Variants in PUM3 observed in about 807,000 individuals in gnomAD.
PUM3 encodes pumilio homolog 3.
PUM3 carries 91 observed loss-of-function variants against 84.0 expected under a neutral mutation model. The ratio of observed to expected loss-of-function variants is 1.08; its 90% CI spans 0.91 to 1.29. The LOEUF (loss-of-function observed/expected upper bound fraction) is 1.29, where lower values mean the gene tolerates loss of function less well. Ranked by LOEUF, PUM3 falls within the 50% of genes most tolerant of loss-of-function variation. The pLI is 0.00. For synonymous variants in PUM3, 321 were observed against 266.7 expected, an observed-to-expected ratio of 1.20 and a Z score of -1.98; for missense variants, 1,067 against 767.5, an observed-to-expected ratio of 1.39 and a Z score of -4.61.
At chr9:2,837,462 G>T in intron 2 of PUM3, 61 bp from the exon 3 acceptor site, 2 of 1,102,540 alleles carry the variant, frequency 1.8e-6, no homozygotes, top group Middle Eastern at 2.3e-4. Flanking sequence ...TTATCTATTG[G>T]ATTATATCCA....
chr9:2,839,475 G>A (rs547305913), intron 1 of PUM3, among the ~76,000 whole-genome samples: 3 of 152,316 alleles, frequency 2.0e-5, no homozygotes, highest in African/African-American at 4.8e-5. Context: ...GAATCAGCCC[G>A]TAAGAAAAGG....
chr9:2,818,304 A>G (rs1821516111), intron 13 of PUM3, among the ~76,000 whole-genome samples: 1 of 152,238 alleles, frequency 6.6e-6, no homozygotes, highest in East Asian at 1.9e-4. Flanking sequence ...AAGCTGCCCT[A>G]AGTATGAGAA....
chr9:2,838,584 AT>A, intron 1 of PUM3, 67 bp from the exon 2 acceptor site: 1 of 943,376 alleles, frequency 1.1e-6, no homozygotes, highest in South Asian at 1.3e-5. Context: ...GAGCTGTTTC[AT>A]AGTCATTGCC....
At chr9:2,813,785 C>CT (rs1821415871) in intron 13 of PUM3, among the ~76,000 whole-genome samples, 1 of 152,260 alleles carries the variant, frequency 6.6e-6, no homozygotes, top group African/African-American at 2.4e-5. Context: ...CCATGTTTCT[C>CT]TTTTTAAAAT....
chr9:2,822,713 T>C (rs1815685847), intron 12 of PUM3, among the ~76,000 whole-genome samples: 1 of 113,810 alleles, frequency 8.8e-6, no homozygotes, highest in African/African-American at 3.1e-5. Flanking sequence ...TTATGAATTA[T>C]ATTTATATTT....
intron 1 of PUM3, among the ~76,000 whole-genome samples, chr9:2,843,419 C>G (rs1460135312): frequency 2.0e-5 from 3 of 152,034 alleles, no homozygotes; most frequent in Non-Finnish European, 4.4e-5. Context: ...TGCGTACATT[C>G]AGGCAAACCG....
chr9:2,832,429 A>G (rs1449153937), intron 5 of PUM3, among the ~76,000 whole-genome samples: 1 of 152,204 alleles, frequency 6.6e-6, no homozygotes, highest in Non-Finnish European at 1.5e-5. Context: ...GATGACATAC[A>G]GTAAACGACA....
intron 6 of PUM3, 67 bp downstream of exon 6, chr9:2,831,184 G>T: frequency 8.4e-7 from 1 of 1,192,446 alleles, no homozygotes; most frequent in Non-Finnish European, 1.2e-6. Flanking sequence ...GACAGTCTTG[G>T]GTATTTTAAG....
intron 1 of PUM3, among the ~76,000 whole-genome samples, chr9:2,838,841 A>G (rs895122049): frequency 2.0e-5 from 3 of 152,228 alleles, no homozygotes; most frequent in Non-Finnish European, 4.4e-5. Flanking sequence ...TATAATAAGC[A>G]TCAGAGTTTG....
Position 2,814,214 on chromosome 9 carries a change from A to T in PUM3, c.1270-1852T>A, listed in dbSNP as rs917629733. 5.9e-5 allele frequency among the ~76,000 whole-genome samples: 7 copies of T among 118,974 alleles called. No individual in the cohort carries two copies. In the East Asian group the frequency reaches 1.4e-3, roughly 24 times the overall value. The allele number at this position is 118,974 out of a possible 152,430, so 78.1% of individuals were successfully genotyped here. A position where few individuals can be genotyped will look rare whatever the true frequency, so the allele number is the denominator to read the frequency against. On this transcript the variant is annotated intron_variant, in intron 13 of 17. Transcript: ENST00000397885. ...ACAAGCTCCAAAGTGAACTCCAACT[A>T]TTTTTTTTTTTTTTTGAGACGGAAT... is the stretch of plus-strand genomic sequence containing the variant.
At chr9:2,840,266 A>G (rs983024932) in intron 1 of PUM3, among the ~76,000 whole-genome samples, 7 of 152,310 alleles carry the variant, frequency 4.6e-5, no homozygotes, top group Non-Finnish European at 8.8e-5. Flanking sequence ...TAACCTTTCC[A>G]TCTTTATTAG....
intron 7 of PUM3, 143 bp from the exon 8 acceptor site, chr9:2,830,091 G>A (rs1815935435): frequency 1.6e-6 from 1 of 639,494 alleles, no homozygotes; most frequent in East Asian, 2.8e-5. Context: ...TTGAGAAGCT[G>A]TGGCCAGCAC....
intron 9 of PUM3, among the ~76,000 whole-genome samples, 162 bp from the exon 10 acceptor site, chr9:2,827,313 T>TTACCATC: frequency 6.6e-6 from 1 of 152,172 alleles, no homozygotes; most frequent in South Asian, 2.1e-4. Flanking sequence ...ATACTAAAAC[T>TTACCATC]TAAACAAAAA....
rs202090249 is a variant in PUM3, at chr9:2,834,234, G to A, written c.305-68C>T. ...AAGTGTCATACACCAATACAAATTA[G>A]GTAAAAAGGGCAATCACTAATCAGG... On this transcript the variant is annotated intron_variant, in intron 3 of 17. Transcript: ENST00000397885. The A allele has an allele frequency of 9.9e-5, 136 of 1,373,920 alleles. 1 individual carries two copies. The East Asian group carries it at 3.1e-3, about 32-fold the overall frequency. The allele number at this position is 1,373,920 out of a possible 1,614,324, so 85.1% of individuals were successfully genotyped here. A position where few individuals can be genotyped will look rare whatever the true frequency, so the allele number is the denominator to read the frequency against.
intron 10 of PUM3, among the ~76,000 whole-genome samples, chr9:2,825,889 T>C (rs1046259989): frequency 3.0e-4 from 45 of 152,244 alleles, no homozygotes; most frequent in African/African-American, 1.0e-3. Flanking sequence ...ATTAAATAAA[T>C]ACAAAGCCTC....
Position 2,835,354 on chromosome 9 carries a change from G to C in PUM3, c.305-1188C>G, listed in dbSNP as rs974337689. Among the ~76,000 whole-genome samples the C allele has an allele frequency of 2.6e-5, 4 of 152,124 alleles. No individual in the cohort carries two copies. The South Asian group carries it at 6.2e-4, about 24-fold the overall frequency. ...GATCACTTGAGTCCAGGAGGTTGAGGATGCAGTGAGCCATCATCACGCCAT... is the reference window on the plus strand; with the variant it reads ...GATCACTTGAGTCCAGGAGGTTGAGCATGCAGTGAGCCATCATCACGCCAT... On this transcript the variant is annotated intron_variant, in intron 3 of 17. Coordinates refer to ENST00000397885, the MANE Select transcript of PUM3 (RefSeq NM_014878.5).
chr9:2,813,294 T>C (rs1248627737), intron 13 of PUM3, among the ~76,000 whole-genome samples: 2 of 152,242 alleles, frequency 1.3e-5, no homozygotes, highest in Non-Finnish European at 2.9e-5. Flanking sequence ...TTTTTAAAAA[T>C]TCCTTTATTC....
Position 2,804,366 on chromosome 9 carries a change from C to G in PUM3, c.1912G>C (p.Gly638Arg). The G allele has an allele frequency of 6.2e-7, 1 of 1,613,662 alleles. No individual in the cohort carries two copies. The highest frequency in any genetic ancestry group is 1.1e-5 in the South Asian group (1 of 91,010). The change falls in exon 18 of 18, where the codon GGA (glycine) becomes CGA (arginine). Residue 638 changes from glycine to arginine, a missense_variant. Physicochemically the swap from Gly to Arg is moderately radical, Grantham distance 125. Coordinates refer to ENST00000397885, the MANE Select transcript of PUM3 (RefSeq NM_014878.5). ...AGTTTTTCAAGTAGAATTTCTATTCCTTTGCTGGTGCTTTTGGTTTTTTCC... is the reference window on the plus strand; with the variant it reads ...AGTTTTTCAAGTAGAATTTCTATTCGTTTGCTGGTGCTTTTGGTTTTTTCC... Reference protein sequence around the residue: ...TLEKTKSTSKGIEILLEKLST With the variant: ...TLEKTKSTSKRIEILLEKLST
At chr9:2,833,903 G>T in intron 4 of PUM3, 128 bp downstream of exon 4, 1 of 864,962 alleles carries the variant, frequency 1.2e-6, no homozygotes, top group Non-Finnish European at 1.8e-6. Context: ...CTAATGGGGT[G>T]TCATGAGGAC....
Sources: gnomAD v4.1 joint callset for allele counts (sites outside exome capture counted in the v4.1 genomes callset) on GRCh38, gnomAD v4.1.1 for gene constraint, MANE v1.5 for transcripts, NCBI Gene and HGNC (gene_info 2026-07-23, HGNC 2026-07-21) for gene names.